Variants in CDON observed in about 807,000 individuals in gnomAD.
CDON encodes the protein cell adhesion associated, oncogene regulated.
In CDON, 73 loss-of-function variants were observed where a neutral mutation model predicts 120.9. The observed-to-expected ratio is 0.60, with a 90% CI of 0.50 to 0.73. The LOEUF is 0.73. Ranked by LOEUF, CDON falls within the 30% of genes least tolerant of loss-of-function variation. The probability of loss-of-function intolerance (pLI) is 0.00; values close to 1 mark genes in which losing one functional copy is unlikely to be tolerated. For missense variants in CDON, 1,470 were observed against 1,587.3 expected (o/e 0.93, Z 1.26); for synonymous variants, 566 against 573.5 (o/e 0.99, Z 0.19).
Position 125,995,051 on chromosome 11 carries a change from A to AC in CDON, c.2363dup (p.Ser789PhefsTer6). The AC allele has an allele frequency of 1.2e-6, 2 of 1,613,112 alleles. No individual in the cohort carries two copies. Among genetic ancestry groups the AC allele is most frequent in the Non-Finnish European group, 1.7e-6 (2 of 1,179,456 alleles). ...CAATGACCCTAAATTTGTATGTTGA[A>AC]CCTTTGAGGGAAAACAAAAACAAAC... On this transcript the variant is annotated frameshift_variant and splice_region_variant, in exon 13 of 20. Coordinates refer to ENST00000531738, the MANE Select transcript of CDON (RefSeq NM_001378964.1). LOFTEE classifies it high-confidence loss of function.
intron 1 of CDON, among the ~76,000 whole-genome samples, 180 bp downstream of exon 1, chr11:126,062,399 C>A (rs551770385): frequency 1.9e-4 from 29 of 151,794 alleles, no homozygotes; most frequent in Non-Finnish European, 2.7e-4. Context: ...CGCCGGGGCT[C>A]CCCGCCGGGC....
chr11:126,011,995 T>C (rs1322655365), intron 7 of CDON, among the ~76,000 whole-genome samples: 1 of 152,214 alleles, frequency 6.6e-6, no homozygotes, highest in Non-Finnish European at 1.5e-5. Context: ...AGCCCTTACA[T>C]GCAAATGTCT....
intron 1 of CDON, among the ~76,000 whole-genome samples, chr11:126,046,888 C>T (rs996408275): frequency 1.3e-5 from 2 of 152,118 alleles, no homozygotes; most frequent in Non-Finnish European, 2.9e-5. Context: ...TTTAATACTG[C>T]CAATCACAGT....
intron 6 of CDON, 62 bp from the exon 7 acceptor site, chr11:126,015,572 C>A: frequency 6.5e-7 from 1 of 1,539,892 alleles, no homozygotes; most frequent in South Asian, 1.2e-5. Context: ...AATTATCACT[C>A]GAGTGATAAA....
chr11:125,969,656 T>C (rs1000236513), intron 18 of CDON, among the ~76,000 whole-genome samples: 6 of 152,228 alleles, frequency 3.9e-5, no homozygotes, highest in Non-Finnish European at 8.8e-5. Context: ...TAAATGGAGC[T>C]CTATGCATCT....
chr11:126,043,337 A>G (rs1168888370), intron 1 of CDON, among the ~76,000 whole-genome samples: 6 of 152,148 alleles, frequency 3.9e-5, no homozygotes. Flanking sequence ...TTTGAACCCA[A>G]GAAGATTCTG....
rs1591537158 is a variant in CDON at position 125,959,764 on chromosome 11, C to T, written c.*1178G>A. 1.3e-5 allele frequency: 2 copies of T among 152,316 alleles called. No homozygotes were observed. Among genetic ancestry groups the T allele is most frequent in the Middle Eastern group, 6.8e-3 (2 of 294 alleles). The allele number at this position is 152,316 out of a possible 1,614,324, so 9.4% of individuals were successfully genotyped here. A position where few individuals can be genotyped will look rare whatever the true frequency, so the allele number is the denominator to read the frequency against. ...TAAGCGTGTCCCTGTGCTAATCCAACAGACTGGAGAGCTCCCGCCAAGACA... is the reference window on the plus strand; with the variant it reads ...TAAGCGTGTCCCTGTGCTAATCCAATAGACTGGAGAGCTCCCGCCAAGACA... On this transcript the variant is annotated 3_prime_UTR_variant, in exon 20 of 20. Transcript: ENST00000531738.
intron 1 of CDON, among the ~76,000 whole-genome samples, chr11:126,049,648 G>C (rs1306979338): frequency 2.6e-5 from 4 of 152,216 alleles, no homozygotes; most frequent in Middle Eastern, 3.4e-3. Context: ...ATTACACAGT[G>C]ATATAAAACA....
chr11:126,049,120 C>A (rs1948489667), intron 1 of CDON, among the ~76,000 whole-genome samples: 1 of 152,184 alleles, frequency 6.6e-6, no homozygotes, highest in Non-Finnish European at 1.5e-5. Flanking sequence ...AAACAGCATA[C>A]AAATTAATGC....
At position 126,023,408 on chromosome 11, in the gene CDON, C is replaced by A. The variant is rs1259310290; in HGVS notation, c.69G>T (p.Val23=). The change falls in exon 2 of 20, where the codon GTG becomes GTT. Residue 23 remains valine (V), a synonymous_variant. Transcript: ENST00000531738. ...CCCCAATTCTACTCTTACCTGAACT[C>A]ACAGAAGAGCACAGAATTGTAAGAG... ...YVTLTILCSS[V]SSDLAPYFTS... 1 of 1,607,648 alleles carries A rather than the reference C, an allele frequency of 6.2e-7. No individual in the cohort carries two copies. Among genetic ancestry groups the A allele is most frequent in the East Asian group, 2.2e-5 (1 of 44,846 alleles).
chr11:126,052,089 TTAAAACAAAACAAAA>T (rs1948573873), intron 1 of CDON, among the ~76,000 whole-genome samples: 1 of 149,464 alleles, frequency 6.7e-6, no homozygotes, highest in Non-Finnish European at 1.5e-5. Flanking sequence ...AGCCATGGGA[TTAAAACAAAACAAAA>T]CAAAACAAAA....
At chr11:126,006,162 G>C in intron 8 of CDON, 105 bp from the exon 9 acceptor site, 3 of 1,041,914 alleles carry the variant, frequency 2.9e-6, no homozygotes, top group Non-Finnish European at 4.4e-6. Flanking sequence ...AGCACAATTT[G>C]AGCCCCAGAA....
intron 17 of CDON, among the ~76,000 whole-genome samples, chr11:125,980,826 A>G (rs887266603): frequency 7.2e-5 from 11 of 152,210 alleles, no homozygotes; most frequent in African/African-American, 2.4e-4. Flanking sequence ...GTGTTAAATA[A>G]TTTTAAAATG....
At chr11:125,993,379 A>C (rs1430673085) in intron 14 of CDON, among the ~76,000 whole-genome samples, 1 of 115,236 alleles carries the variant, frequency 8.7e-6, no homozygotes, top group East Asian at 2.7e-4. Context: ...TCTCACACAC[A>C]CATGCGCGCG....
At chr11:125,993,822 C>T (rs1229700716) in intron 14 of CDON, among the ~76,000 whole-genome samples, 1 of 152,240 alleles carries the variant, frequency 6.6e-6, no homozygotes, top group African/African-American at 2.4e-5. Context: ...AGTTTCAACA[C>T]TCTTCACCAT....
rs190109676 is a variant in CDON, at chr11:125,977,923, C to G, written c.3356+381G>C. On this transcript the variant is annotated intron_variant, in intron 18 of 19. Coordinates refer to ENST00000531738, the MANE Select transcript of CDON (RefSeq NM_001378964.1). ...ATATACAGAGGGTTCCCCCCTCCCC[C>G]CAACACTCAGAAACACTGTCATTCA... Among the ~76,000 whole-genome samples the G allele has an allele frequency of 3.8e-3, 574 of 152,136 alleles. 3 individuals carry two copies. The highest frequency in any genetic ancestry group is 0.01 in the Middle Eastern group (3 of 292).
chr11:126,034,466 A>G lies in CDON; in HGVS notation c.-61-10929T>C, dbSNP rs1368316768. ...GGGCTGCCAGCTGCAACAGGAATCAATGTGGTCCTAATTACACCAAAGGAG... is the reference window on the plus strand; with the variant it reads ...GGGCTGCCAGCTGCAACAGGAATCAGTGTGGTCCTAATTACACCAAAGGAG... On this transcript the variant is annotated intron_variant, in intron 1 of 19. Coordinates refer to ENST00000531738, the MANE Select transcript of CDON (RefSeq NM_001378964.1). This position sits in a 1 kb window ranked among gnomAD's most constrained non-coding sequence, Gnocchi z 4.5. Among the ~76,000 whole-genome samples, 1 of 152,174 alleles carries G rather than the reference A, an allele frequency of 6.6e-6. No homozygotes were observed. The highest frequency in any genetic ancestry group is 2.4e-5 in the African/African-American group (1 of 41,452).
intron 16 of CDON, 135 bp downstream of exon 16, chr11:125,983,737 T>C: frequency 1.4e-6 from 1 of 739,212 alleles, no homozygotes; most frequent in South Asian, 1.6e-5. Flanking sequence ...AGTCATCTCC[T>C]CTGAATGAAG....
At position 125,961,776 on chromosome 11, in the gene CDON, A is replaced by G. The variant is rs1271906299; in HGVS notation, c.3579T>C (p.Ile1193=). Residue 1193 remains isoleucine (I), a synonymous_variant, in exon 19 of 20, where the codon ATT becomes ATC. Coordinates refer to ENST00000531738, the MANE Select transcript of CDON (RefSeq NM_001378964.1). ...AGCCATCAGAGCTGACGTCATTTAC[A>G]ATGTCCTGACAGCAGGTACGCTGAG... ...VPTQRTCCQD[I]VNDVSSDGSE... is the part of the protein sequence containing the mutation. 30 of 1,614,170 alleles carry G rather than the reference A, an allele frequency of 1.9e-5. No individual in the cohort carries two copies. Among genetic ancestry groups the G allele is most frequent in the African/African-American group, 2.7e-5 (2 of 75,068 alleles).
Sources: gnomAD v4.1 joint callset for allele counts (sites outside exome capture counted in the v4.1 genomes callset) on GRCh38, gnomAD v4.1.1 for gene constraint, Gnocchi (gnomAD v3.1) non-coding constraint, MANE v1.5 for transcripts, NCBI Gene and HGNC (gene_info 2026-07-23, HGNC 2026-07-21) for gene names.